BCAR1: variants seen among roughly 807,000 people sequenced by gnomAD.
BCAR1 encodes the protein breast cancer anti-estrogen resistance protein 1.
Under a neutral mutation model 67.6 loss-of-function variants are expected in BCAR1, and 30 were observed. The observed-to-expected ratio is 0.44, with a 90% CI of 0.33 to 0.60. The LOEUF (loss-of-function observed/expected upper bound fraction) is 0.60, where lower values mean the gene tolerates loss of function less well. Among genes scored for constraint, BCAR1 ranks in the 20% least tolerant of loss-of-function variants. The probability of loss-of-function intolerance (pLI) is 0.02; values close to 1 mark genes in which losing one functional copy is unlikely to be tolerated. For missense variants in BCAR1, 1,313 were observed against 1,222.3 expected (o/e 1.07, Z -1.11); for synonymous variants, 626 against 556.7 (o/e 1.12, Z -1.75).
In BCAR1 at chr16:75,229,721, C is replaced by A; in HGVS notation, c.2403G>T (p.Arg801=). The A allele has an allele frequency of 6.2e-7, 1 of 1,613,162 alleles. No individual in the cohort carries two copies. The highest frequency in any genetic ancestry group is 8.5e-7 in the Non-Finnish European group (1 of 1,179,898). Residue 801 remains arginine, a synonymous_variant, in exon 7 of 7, where the codon CGG becomes CGT. Coordinates refer to ENST00000162330, the MANE Select transcript of BCAR1 (RefSeq NM_014567.5). ...TGCGCACGTCAGCAGCCTTGGCCTG[C>A]CGTGACAGTGTGTCCCCGATGAACA... The part of the protein sequence containing the change: ...KLVFIGDTLS[R]QAKAADVRSQ...
At chr16:75,248,360 G>A (rs546206845) in intron 1 of BCAR1, 1 of 1,282,434 alleles carries the variant, frequency 7.8e-7, no homozygotes, top group Non-Finnish European at 1.0e-6. Flanking sequence ...TCACAAACTT[G>A]GGCCAAGTTT....
intron 1 of BCAR1, chr16:75,266,028 C>CG: frequency 1.9e-6 from 2 of 1,029,404 alleles, no homozygotes; most frequent in Non-Finnish European, 2.3e-6. Flanking sequence ...CGCCGCCCCC[C>CG]CCACCGTCTC....
intron 1 of BCAR1, chr16:75,263,898 C>T (rs1461909124): frequency 9.6e-7 from 1 of 1,043,224 alleles, no homozygotes; most frequent in East Asian, 7.3e-5. Flanking sequence ...AATGAATTCT[C>T]CTCTTGGCCC....
At chr16:75,257,747 G>A (rs1016000135) in intron 1 of BCAR1, among the ~76,000 whole-genome samples, 3 of 152,224 alleles carry the variant, frequency 2.0e-5, no homozygotes, top group Non-Finnish European at 4.4e-5. Context: ...GTAAGCCACT[G>A]TGCCTGGTGG....
chr16:75,250,679 C>T, intron 1 of BCAR1: 1 of 985,522 alleles, frequency 1.0e-6, no homozygotes, highest in Non-Finnish European at 1.2e-6. Flanking sequence ...CTCGGTCCAG[C>T]GATCAGCCTC....
rs2076806188 is a variant in BCAR1, at chr16:75,229,203, G to C, written c.*308C>G. On this transcript the variant is annotated 3_prime_UTR_variant, in exon 7 of 7. Coordinates refer to ENST00000162330, the MANE Select transcript of BCAR1 (RefSeq NM_014567.5). ...CTCGTGGGACCAGGCTCAGCCCTCG[G>C]GGTGGCACGAGGTCCTGCAGGCTGC... The C allele has an allele frequency of 3.0e-6, 1 of 328,576 alleles. No homozygotes were observed. The highest frequency in any genetic ancestry group is 9.2e-5 in the South Asian group (1 of 10,862). The allele number at this position is 328,576 out of a possible 1,614,324, so 20.4% of individuals were successfully genotyped here. A position where few individuals can be genotyped will look rare whatever the true frequency, so the allele number is the denominator to read the frequency against.
At chr16:75,240,459 G>A (rs1160820001) in intron 2 of BCAR1, among the ~76,000 whole-genome samples, 1 of 152,228 alleles carries the variant, frequency 6.6e-6, no homozygotes, top group African/African-American at 2.4e-5. Context: ...GCGGCTCAGG[G>A]ACAAGCTTTA....
chr16:75,266,792 G>A (rs1157084841), intron 1 of BCAR1: 3 of 1,436,634 alleles, frequency 2.1e-6, no homozygotes, highest in Non-Finnish European at 2.8e-6. Flanking sequence ...AGAGCAAGTG[G>A]GGCTGGGGTC....
chr16:75,243,475 G>C (rs1366569485), intron 1 of BCAR1: 1 of 543,590 alleles, frequency 1.8e-6, no homozygotes, highest in Non-Finnish European at 3.6e-6. Flanking sequence ...ATAGCAAATG[G>C]TTCTCTCTCG....
rs774930526 is a variant in BCAR1 at position 75,236,893 on chromosome 16, T to C, written c.901A>G (p.Asn301Asp). Residue 301 changes from asparagine (N) to aspartate (D), a missense_variant, in exon 4 of 7, where the codon AAC (asparagine) becomes GAC (aspartate). Physicochemically the swap from Asn to Asp is conservative, Grantham distance 23 (BLOSUM62 1). This residue lies in a region of BCAR1 where 1,272 missense variants were observed against 1,137.5 expected (regional missense o/e 1.12). Coordinates refer to ENST00000162330, the MANE Select transcript of BCAR1 (RefSeq NM_014567.5). ...TGGCATTTGCTCACTGCGTGGTGGTTGGACGGTGGCAGGCCCTTCTCCACA... is the reference window on the plus strand; with the variant it reads ...TGGCATTTGCTCACTGCGTGGTGGTCGGACGGTGGCAGGCCCTTCTCCACA... ...PSVEKGLPPSNHHAVYDVPPS... is the reference protein window; with the variant it reads ...PSVEKGLPPSDHHAVYDVPPS... 3.1e-6 allele frequency: 5 copies of C among 1,612,430 alleles called. No homozygotes were observed. The highest frequency in any genetic ancestry group is 4.2e-6 in the Non-Finnish European group (5 of 1,179,318).
At chr16:75,234,366 A>T (rs1302039936) in intron 5 of BCAR1, among the ~76,000 whole-genome samples, 1 of 152,130 alleles carries the variant, frequency 6.6e-6, no homozygotes, top group Admixed American at 6.5e-5. Flanking sequence ...AAAGTCCGCA[A>T]GCTCCACCCT....
chr16:75,267,776 A>G (rs2078028924), intron 1 of BCAR1: 1 of 884,872 alleles, frequency 1.1e-6, no homozygotes, highest in Non-Finnish European at 1.7e-6. Context: ...GGAGAGCCCA[A>G]GGGAGGGGCG....
At chr16:75,234,160 GACAGACACACACACACACACACACAC>G (rs1348302313) in intron 5 of BCAR1, among the ~76,000 whole-genome samples, 6 of 87,804 alleles carry the variant, frequency 6.8e-5, no homozygotes, top group African/African-American at 2.0e-4. Context: ...GGGGCAGGCA[GACAGACACACACACACACACACACAC>G]ACACACACAC....
chr16:75,257,966 G>A (rs1409702776), intron 1 of BCAR1, among the ~76,000 whole-genome samples: 1 of 152,212 alleles, frequency 6.6e-6, no homozygotes, highest in South Asian at 2.1e-4. Flanking sequence ...TACTGCTCAG[G>A]TTTCAGTTTG....
intron 1 of BCAR1, chr16:75,264,833 G>A (rs2077970019): frequency 2.0e-5 from 5 of 256,020 alleles, no homozygotes; most frequent in Admixed American, 1.7e-4. Context: ...GGCTCTGGAG[G>A]GAAAAGCCCC....
At chr16:75,260,588 C>G (rs1378184609) in intron 1 of BCAR1, among the ~76,000 whole-genome samples, 1 of 147,900 alleles carries the variant, frequency 6.8e-6, no homozygotes, top group East Asian at 2.0e-4. Flanking sequence ...GAGCTGATAT[C>G]AGGCCACTGC....
upstream of BCAR1, chr16:75,252,106 G>A: frequency 7.7e-7 from 1 of 1,293,460 alleles, no homozygotes; most frequent in Non-Finnish European, 1.1e-6. Context: ...CCAGCCTGTA[G>A]GAGACGAATC....
At chr16:75,266,162 CA>C (rs1241058703) in intron 1 of BCAR1, 32 of 423,344 alleles carry the variant, frequency 7.6e-5, no homozygotes, top group Non-Finnish European at 9.9e-5. Flanking sequence ...CCTCCAGTCG[CA>C]CCAGCTCTGG....
chr16:75,267,643 T>G lies in BCAR1; in HGVS notation c.66+272A>C, dbSNP rs528897014. ...CTCGCCCAGACCCCACCTCCCTCCC[T>G]TGCTCCTGCTTGGGGCCCACTGTTC... On this transcript the variant is annotated intron_variant, in intron 1 of 6. Transcript: ENST00000393422. 6.7e-5 allele frequency among the ~76,000 whole-genome samples: 10 copies of G among 150,142 alleles called. No individual in the cohort carries two copies. The East Asian group carries it at 2.0e-3, about 30-fold the overall frequency.
Sources: gnomAD v4.1 joint callset for allele counts (sites outside exome capture counted in the v4.1 genomes callset) on GRCh38, gnomAD v4.1.1 for gene constraint, gnomAD v4.1.1 regional missense constraint, MANE v1.5 for transcripts, NCBI Gene and HGNC (gene_info 2026-07-23, HGNC 2026-07-21) for gene names.